P2RY8: variants seen among roughly 807,000 people sequenced by gnomAD.
P2RY8 encodes S-geranylgeranyl-glutathione receptor P2RY8.
P2RY8 carries 6 observed loss-of-function variants against 10.0 expected under a neutral mutation model. That is an observed-to-expected ratio of 0.60 (90% CI 0.33 to 1.19). The LOEUF is 1.19. P2RY8 is among the 50% of genes most tolerant of loss of function. The pLI, the probability that P2RY8 is intolerant of heterozygous loss-of-function variation, is 0.04. For missense variants in P2RY8, 456 were observed against 542.0 expected (o/e 0.84, Z 1.58); for synonymous variants, 276 against 252.5 (o/e 1.09, Z -0.88).
At chrX:1,497,377 G>T (rs1396294944) in intron 1 of P2RY8, among the ~76,000 whole-genome samples, 3 of 151,132 alleles carry the variant, frequency 2.0e-5, no homozygotes, top group Admixed American at 2.0e-4. Context: ...TGGAGTGTAG[G>T]CCGGGCACGG....
intron 1 of P2RY8, among the ~76,000 whole-genome samples, chrX:1,532,997 T>C (rs6588770): frequency 0.86 from 101,840 of 119,040 alleles, 43,581 homozygotes; most frequent in East Asian, 0.98. Context: ...AGTGAAACTC[T>C]GTCTCAAAAA....
In P2RY8 at chrX:1,524,409, G is replaced by GCATGCATT. The variant is rs1309158911; in HGVS notation, c.-25+12511_-25+12512insAATGCATG. Among the ~76,000 whole-genome samples, 3 of 109,900 alleles carry GCATGCATT rather than the reference G, an allele frequency of 2.7e-5. No individual in the cohort carries two copies. The South Asian group carries it at 9.6e-4, about 35-fold the overall frequency. The allele number at this position is 109,900 out of a possible 152,430, so 72.1% of individuals were successfully genotyped here. On this transcript the variant is annotated intron_variant, in intron 1 of 1. Coordinates refer to ENST00000381297, the MANE Select transcript of P2RY8 (RefSeq NM_178129.5). ...TCCATCCATCCCTCCATCCATGCAT[G>GCATGCATT]CATCCATCCATCCATCCATCCATCC...
At chrX:1,519,047 T>G (rs2092372009) in intron 1 of P2RY8, among the ~76,000 whole-genome samples, 1 of 151,712 alleles carries the variant, frequency 6.6e-6, no homozygotes. Context: ...TCCCCAGTAA[T>G]ATTTCTGATC....
At chrX:1,467,313 C>T (rs2091700166) in intron 1 of P2RY8, among the ~76,000 whole-genome samples, 1 of 152,194 alleles carries the variant, frequency 6.6e-6, no homozygotes, top group Non-Finnish European at 1.5e-5. Context: ...CGACTTCTTA[C>T]CAACTGCTCT....
intron 1 of P2RY8, among the ~76,000 whole-genome samples, chrX:1,475,363 G>T (rs1399633331): frequency 6.6e-6 from 1 of 151,988 alleles, no homozygotes. Context: ...AATGCCGATT[G>T]TTTCCAGAAA....
chrX:1,510,561 C>G (rs2092291537), intron 1 of P2RY8, among the ~76,000 whole-genome samples: 1 of 152,156 alleles, frequency 6.6e-6, no homozygotes. Context: ...AGGCTGCACA[C>G]TCAGTGCCTC....
chrX:1,484,986 C>CTTT (rs773650240), intron 1 of P2RY8, among the ~76,000 whole-genome samples: 2 of 81,418 alleles, frequency 2.5e-5, no homozygotes, highest in South Asian at 5.8e-4. Context: ...GTAATAATGT[C>CTTT]TTTTTTTTTT....
chrX:1,467,385 G>A (rs1231953287), intron 1 of P2RY8, among the ~76,000 whole-genome samples: 2 of 152,180 alleles, frequency 1.3e-5, no homozygotes, highest in African/African-American at 4.8e-5. Flanking sequence ...GTTTCAGGGA[G>A]AAGTTTTCTG....
Position 1,464,588 on chromosome X carries a change from C to A in P2RY8, c.*891G>T, listed in dbSNP as rs73182974. ...ACCCTTGTGTTGGGATGGGCTGGAC[C>A]CCATCTCACGGAGCCTCCTTTCCGC... is the stretch of plus-strand genomic sequence containing the variant. On this transcript the variant is annotated 3_prime_UTR_variant, in exon 2 of 2. Coordinates refer to ENST00000381297, the MANE Select transcript of P2RY8 (RefSeq NM_178129.5). The A allele has an allele frequency of 1.3e-5, 3 of 233,214 alleles. No homozygotes were observed. Among genetic ancestry groups the A allele is most frequent in the African/African-American group, 6.6e-5 (3 of 45,316 alleles). The allele number at this position is 233,214 out of a possible 1,614,324, so 14.4% of individuals were successfully genotyped here.
At chrX:1,511,441 A>G (rs149325514) in intron 1 of P2RY8, among the ~76,000 whole-genome samples, 1,801 of 152,276 alleles carry the variant, frequency 0.012, 40 homozygotes, top group African/African-American at 0.041. Flanking sequence ...GTCTACTTTT[A>G]GTTTCTGCCA....
chrX:1,472,962 G>A (rs1400599025), intron 1 of P2RY8, among the ~76,000 whole-genome samples: 14 of 121,882 alleles, frequency 1.1e-4, no homozygotes, highest in Admixed American at 1.7e-4. Flanking sequence ...ATGGGTGGGC[G>A]GATGGGTGGG....
At chrX:1,474,092 G>GGA (rs2091842319) in intron 1 of P2RY8, among the ~76,000 whole-genome samples, 1 of 150,526 alleles carries the variant, frequency 6.6e-6, no homozygotes, top group Non-Finnish European at 1.5e-5. Context: ...ATGGGTGGAT[G>GGA]TATGGATCAG....
rs1433418329 is a variant in P2RY8 at position 1,464,560 on chromosome X, T to G, written c.*919A>C. 4.3e-6 allele frequency: 1 copy of G among 233,338 alleles called. No homozygotes were observed. Among genetic ancestry groups the G allele is most frequent in the African/African-American group, 2.2e-5 (1 of 45,346 alleles). 14.5% of individuals were successfully genotyped at this position (233,338 alleles called of 1,614,324 possible). ...GAGGTGGGGAACTCCCGAATCAAGCTGCACCCTTGTGTTGGGATGGGCTGG... is the reference window on the plus strand; with the variant it reads ...GAGGTGGGGAACTCCCGAATCAAGCGGCACCCTTGTGTTGGGATGGGCTGG... On this transcript the variant is annotated 3_prime_UTR_variant, in exon 2 of 2. Transcript: ENST00000381297.
rs181216704 is a variant in P2RY8, at chrX:1,474,052, G to A, written c.-24-7470C>T. Among the ~76,000 whole-genome samples the A allele has an allele frequency of 8.2e-4, 122 of 147,942 alleles. No individual in the cohort carries two copies. In the East Asian group the frequency reaches 0.01, roughly 13 times the overall value. On this transcript the variant is annotated intron_variant, in intron 1 of 1. Transcript: ENST00000381297. ...GTGGATGGGTGGATGAATGGTAGGC[G>A]GGTTTGTGAATGGGTGGGTAGGTGG...
chrX:1,466,152 C>T lies in P2RY8; in HGVS notation c.407G>A (p.Arg136His). The T allele has an allele frequency of 6.2e-7, 1 of 1,611,702 alleles. No individual in the cohort carries two copies. The highest frequency in any genetic ancestry group is 8.5e-7 in the Non-Finnish European group (1 of 1,179,150). ...ACACGCGGCCACCGCGTAACGACGGCGGCGCCAGCGCTTGGAGCTGAGCGG... is the reference window on the plus strand; with the variant it reads ...ACACGCGGCCACCGCGTAACGACGGTGGCGCCAGCGCTTGGAGCTGAGCGG... Reference protein sequence around the residue: ...LYPLSSKRWRRRRYAVAACAG... With the variant: ...LYPLSSKRWRHRRYAVAACAG... Residue 136 changes from arginine (R) to histidine (H), a missense_variant, in exon 2 of 2, where the codon CGC (arginine) becomes CAC (histidine). By Grantham distance (29) the Arg-to-His change is conservative (BLOSUM62 0). Transcript: ENST00000381297.
chrX:1,486,835 G>A (rs1490443259), intron 1 of P2RY8, among the ~76,000 whole-genome samples: 4 of 152,288 alleles, frequency 2.6e-5, no homozygotes, highest in Non-Finnish European at 1.5e-5. Context: ...CTGACTCCCT[G>A]CCCGCGCTGA....
At chrX:1,531,366 A>T (rs1346698632) in intron 1 of P2RY8, among the ~76,000 whole-genome samples, 1 of 152,084 alleles carries the variant, frequency 6.6e-6, no homozygotes, top group East Asian at 1.9e-4. Flanking sequence ...CTATCCCAAG[A>T]TCTGTCCTTG....
At chrX:1,508,036 A>G (rs1335062053) in intron 1 of P2RY8, among the ~76,000 whole-genome samples, 1 of 151,654 alleles carries the variant, frequency 6.6e-6, no homozygotes, top group Non-Finnish European at 1.5e-5. Flanking sequence ...GTGCCTGATG[A>G]CCTCTCATCA....
chrX:1,513,167 G>A (rs1389591520), intron 1 of P2RY8, among the ~76,000 whole-genome samples: 165 of 151,682 alleles, frequency 1.1e-3, no homozygotes, highest in African/African-American at 3.9e-3. Context: ...TGACTTTCTG[G>A]CTTTATCCAC....
Sources: allele counts gnomAD v4.1 joint callset (sites outside exome capture counted in the v4.1 genomes callset), GRCh38; gene constraint gnomAD v4.1.1; transcripts MANE v1.5; gene names NCBI Gene and HGNC (gene_info 2026-07-23, HGNC 2026-07-21).